The following GADL1 variants were observed in gnomAD, a reference collection of about 807,000 sequenced individuals.
GADL1 encodes acidic amino acid decarboxylase GADL1.
A neutral mutation model predicts 69.5 loss-of-function variants in GADL1; 71 were observed. That is an observed-to-expected ratio of 1.02 (90% CI 0.84 to 1.25). The LOEUF is 1.25. Among genes scored for constraint, GADL1 ranks in the 50% most tolerant of loss-of-function variants. The pLI is 0.00. For missense variants in GADL1, 737 were observed against 631.8 expected (o/e 1.17, Z -1.79); for synonymous variants, 254 against 214.4 (o/e 1.18, Z -1.62).
intron 9 of GADL1, among the ~76,000 whole-genome samples, chr3:30,836,397 T>TA (rs34081672): frequency 0.53 from 76,508 of 144,632 alleles, 22,681 homozygotes; most frequent in African/African-American, 0.83. Flanking sequence ...ATTTATTCCT[T>TA]AAAAAAAAAA....
intron 14 of GADL1, among the ~76,000 whole-genome samples, chr3:30,752,788 C>T (rs1409164280): frequency 2.0e-5 from 3 of 150,642 alleles, no homozygotes; most frequent in African/African-American, 2.5e-5. Flanking sequence ...ATGTTAATGG[C>T]AGGTTAAAAC....
intron 12 of GADL1, among the ~76,000 whole-genome samples, chr3:30,788,655 C>A (rs1249179831): frequency 6.6e-6 from 1 of 152,200 alleles, no homozygotes; most frequent in Non-Finnish European, 1.5e-5. Flanking sequence ...CACAACAGAA[C>A]TTCTTTCAAA....
intron 14 of GADL1, among the ~76,000 whole-genome samples, chr3:30,766,500 G>GCCAC (rs1217276025): frequency 5.0e-3 from 758 of 152,272 alleles, no homozygotes; most frequent in African/African-American, 0.018. Flanking sequence ...ATGTGAAGTG[G>GCCAC]TTTACATGTA....
intron 1 of GADL1, among the ~76,000 whole-genome samples, chr3:30,878,552 C>T (rs544693022): frequency 2.0e-5 from 3 of 151,896 alleles, no homozygotes; most frequent in African/African-American, 7.2e-5. Context: ...ACATTTGATA[C>T]CCATCTCTTT....
chr3:30,767,395 C>CT lies in GADL1; in HGVS notation c.1392+10783dup, dbSNP rs1404640857. Reference sequence around the variant, plus strand: ...ATCGTAAAGGAAAGCCATTTAAATCCTTTGGTTCTTGGCACAAAAACAGAA... The same window carrying CT: ...ATCGTAAAGGAAAGCCATTTAAATCCTTTTGGTTCTTGGCACAAAAACAGAA... On this transcript the variant is annotated intron_variant, in intron 14 of 14. Coordinates refer to ENST00000282538, the MANE Select transcript of GADL1 (RefSeq NM_207359.3). Among the ~76,000 whole-genome samples the CT allele has an allele frequency of 2.4e-5, 3 of 122,544 alleles. No individual in the cohort carries two copies. In the East Asian group the frequency reaches 6.4e-4, roughly 26 times the overall value. The allele number at this position is 122,544 out of a possible 152,430, so 80.4% of individuals were successfully genotyped here. A position where few individuals can be genotyped will look rare whatever the true frequency, so the allele number is the denominator to read the frequency against.
Position 30,854,688 on chromosome 3 carries a change from A to G in GADL1, c.428+11T>C. ...ACGTTTGGTGTGAAATTTCTATAGCATGGCACTTACACACTTGGATTCAAT... is the reference window on the plus strand; with the variant it reads ...ACGTTTGGTGTGAAATTTCTATAGCGTGGCACTTACACACTTGGATTCAAT... On this transcript the variant is annotated intron_variant, in intron 4 of 14. Transcript: ENST00000282538. 2.0e-6 allele frequency: 3 copies of G among 1,501,010 alleles called. No individual in the cohort carries two copies. The highest frequency in any genetic ancestry group is 2.5e-5 in the East Asian group (1 of 40,626). 93.0% of individuals were successfully genotyped at this position (1,501,010 alleles called of 1,614,324 possible).
chr3:30,851,831 A>T (rs1698152127), intron 4 of GADL1, among the ~76,000 whole-genome samples: 1 of 152,094 alleles, frequency 6.6e-6, no homozygotes, highest in South Asian at 2.1e-4. Context: ...GTCGTCACTC[A>T]TGTTGATCCC....
At chr3:30,759,642 GT>G (rs11330156) in intron 14 of GADL1, among the ~76,000 whole-genome samples, 150,254 of 152,244 alleles carry the variant, frequency 0.99, 74,161 homozygotes, top group East Asian at 1. Context: ...GCCTAAACCT[GT>G]TTTTTAAAAG....
At chr3:30,768,346 T>A (rs188338800) in intron 14 of GADL1, among the ~76,000 whole-genome samples, 2 of 152,250 alleles carry the variant, frequency 1.3e-5, no homozygotes, top group African/African-American at 4.8e-5. Context: ...AGGGACTACT[T>A]GTTATAGAGG....
intron 14 of GADL1, 50 bp from the exon 15 acceptor site, chr3:30,728,465 A>G: frequency 6.8e-7 from 1 of 1,468,952 alleles, no homozygotes; most frequent in Non-Finnish European, 9.5e-7. Flanking sequence ...ACATCAAGGC[A>G]TTTCAATAGC....
intron 4 of GADL1, among the ~76,000 whole-genome samples, chr3:30,852,659 T>TTA (rs1158307599): frequency 6.6e-6 from 1 of 152,050 alleles, no homozygotes; most frequent in Non-Finnish European, 1.5e-5. Context: ...AAAAAAGTAT[T>TTA]TAGCCTGTCT....
intron 12 of GADL1, among the ~76,000 whole-genome samples, chr3:30,789,646 CCA>C (rs1696871597): frequency 6.6e-6 from 1 of 152,146 alleles, no homozygotes; most frequent in African/African-American, 2.4e-5. Context: ...TTTAATGTAG[CCA>C]CATTCTTCAG....
intron 11 of GADL1, among the ~76,000 whole-genome samples, chr3:30,811,575 G>C (rs1434683882): frequency 6.6e-6 from 1 of 152,122 alleles, no homozygotes; most frequent in African/African-American, 2.4e-5. Context: ...TTTAAATAGT[G>C]ACACAGTATC....
At chr3:30,794,689 C>T (rs953472019) in intron 12 of GADL1, among the ~76,000 whole-genome samples, 58 of 152,154 alleles carry the variant, frequency 3.8e-4, no homozygotes, top group Admixed American at 3.5e-3. Flanking sequence ...TTAGAGGTCT[C>T]CTAGGCACTA....
chr3:30,782,266 G>C (rs900989302), intron 13 of GADL1, among the ~76,000 whole-genome samples: 4 of 152,150 alleles, frequency 2.6e-5, no homozygotes, highest in African/African-American at 9.7e-5. Flanking sequence ...GTGGCAGTTA[G>C]GCTGGAGGGA....
chr3:30,855,529 C>T (rs1698215817), intron 3 of GADL1, among the ~76,000 whole-genome samples: 1 of 152,014 alleles, frequency 6.6e-6, no homozygotes, highest in East Asian at 1.9e-4. Flanking sequence ...CACTATGCGG[C>T]TTACATACAC....
At chr3:30,738,696 T>C (rs1695574299) in intron 14 of GADL1, among the ~76,000 whole-genome samples, 1 of 152,186 alleles carries the variant, frequency 6.6e-6, no homozygotes, top group African/African-American at 2.4e-5. Flanking sequence ...TTCTGAATAT[T>C]GTGTCTGGCC....
intron 13 of GADL1, among the ~76,000 whole-genome samples, chr3:30,784,151 G>A (rs1364075366): frequency 1.3e-5 from 2 of 152,244 alleles, no homozygotes; most frequent in South Asian, 2.1e-4. Context: ...TTTCTTACAT[G>A]TTTATAATGC....
chr3:30,809,469 G>A (rs191600952), intron 11 of GADL1, among the ~76,000 whole-genome samples: 189 of 152,298 alleles, frequency 1.2e-3, no homozygotes, highest in African/African-American at 4.2e-3. Context: ...ATGTTTCAAT[G>A]TAGGAGGTTC....
Sources: gnomAD v4.1 joint callset for allele counts (sites outside exome capture counted in the v4.1 genomes callset) on GRCh38, gnomAD v4.1.1 for gene constraint, MANE v1.5 for transcripts, NCBI Gene and HGNC (gene_info 2026-07-23, HGNC 2026-07-21) for gene names.